The following LAMC3 variants were observed in gnomAD, a reference collection of about 807,000 sequenced individuals.
LAMC3 encodes laminin subunit gamma 3.
LAMC3 carries 128 observed loss-of-function variants against 173.8 expected under a neutral mutation model. The ratio of observed to expected loss-of-function variants is 0.74; its 90% CI spans 0.64 to 0.85. LAMC3 has a LOEUF of 0.85. Ranked by LOEUF, LAMC3 falls within the 40% of genes least tolerant of loss-of-function variation. The pLI is 0.00. For missense variants in LAMC3, 2,022 were observed against 2,156.0 expected (o/e 0.94, Z 1.23); for synonymous variants, 897 against 909.1 (o/e 0.99, Z 0.24).
At chr9:131,034,297 G>T (rs914881639) in intron 3 of LAMC3, among the ~76,000 whole-genome samples, 12 of 152,204 alleles carry the variant, frequency 7.9e-5, no homozygotes, top group Admixed American at 7.8e-4. Flanking sequence ...TGACTTCCCT[G>T]GTGACCACTG....
At chr9:131,047,165 C>CTTT (rs398012456) in intron 8 of LAMC3, among the ~76,000 whole-genome samples, 6,208 of 102,108 alleles carry the variant, frequency 0.061, 720 homozygotes, top group South Asian at 0.13. Flanking sequence ...CTGAATTCCT[C>CTTT]TTTTTTTTTT....
At chr9:131,067,947 G>A (rs188176632) in intron 14 of LAMC3, 131 bp from the exon 15 acceptor site, 42 of 994,080 alleles carry the variant, frequency 4.2e-5, no homozygotes, top group South Asian at 6.7e-5. Context: ...CAGCAGTGGC[G>A]TCTGAATCTG....
chr9:131,013,550 T>G (rs1833462980), intron 1 of LAMC3, among the ~76,000 whole-genome samples: 1 of 152,178 alleles, frequency 6.6e-6, no homozygotes, highest in African/African-American at 2.4e-5. Flanking sequence ...CAGGGCCATG[T>G]GCGGCCCCTG....
intron 11 of LAMC3, among the ~76,000 whole-genome samples, chr9:131,055,480 A>C: frequency 7.6e-6 from 1 of 130,748 alleles, no homozygotes; most frequent in Admixed American, 9.0e-5. Flanking sequence ...GCTGGAGTGC[A>C]GTGGCATGAT....
At chr9:131,023,586 G>A (rs1399156343) in intron 1 of LAMC3, among the ~76,000 whole-genome samples, 1 of 152,178 alleles carries the variant, frequency 6.6e-6, no homozygotes, top group Non-Finnish European at 1.5e-5. Context: ...TTGCAGAAAT[G>A]TCTATTCAAA....
rs754159381 is a variant in LAMC3 at position 131,036,299 on chromosome 9, C to T, written c.943C>T (p.Arg315Trp). The T allele has an allele frequency of 8.7e-6, 14 of 1,612,954 alleles. No individual in the cohort carries two copies. Among genetic ancestry groups the T allele is most frequent in the South Asian group, 3.3e-5 (3 of 91,060 alleles). ...CTTCTTCCAGGACCGCCCGTGGGCC[C>T]GGGGCACCGCCGAGGCTGCCCACGA... ...LPFFQDRPWA[R>W]GTAEAAHECL... The change falls in exon 4 of 28, where the codon CGG becomes TGG. Residue 315 changes from arginine (R) to tryptophan (W), a missense_variant. Coordinates refer to ENST00000361069, the MANE Select transcript of LAMC3 (RefSeq NM_006059.4).
At chr9:131,088,619 A>G (rs1474288221) in intron 27 of LAMC3, among the ~76,000 whole-genome samples, 1 of 152,200 alleles carries the variant, frequency 6.6e-6, no homozygotes, top group African/African-American at 2.4e-5. Flanking sequence ...TTTGAAGTGT[A>G]CAGTTCAGCA....
chr9:131,039,378 A>T, intron 6 of LAMC3, 130 bp downstream of exon 6: 1 of 780,142 alleles, frequency 1.3e-6, no homozygotes. Context: ...AATCCTGGTG[A>T]AGACTAGAGA....
intron 5 of LAMC3, 35 bp downstream of exon 5, chr9:131,039,087 C>G: frequency 3.1e-6 from 5 of 1,612,408 alleles, no homozygotes; most frequent in Non-Finnish European, 4.2e-6. Flanking sequence ...CTCCGACCCT[C>G]TCCCTTTCCT....
At position 131,091,928 on chromosome 9, in the gene LAMC3, C is replaced by T. The variant is rs1830435423; in HGVS notation, c.*141C>T. 1 of 990,880 alleles carries T rather than the reference C, an allele frequency of 1.0e-6. No individual in the cohort carries two copies. The highest frequency in any genetic ancestry group is 1.5e-6 in the Non-Finnish European group (1 of 671,668). The allele number at this position is 990,880 out of a possible 1,614,324, so 61.4% of individuals were successfully genotyped here. On this transcript the variant is annotated 3_prime_UTR_variant, in exon 28 of 28. Coordinates refer to ENST00000361069, the MANE Select transcript of LAMC3 (RefSeq NM_006059.4). Reference sequence around the variant, plus strand: ...ACTCGCCCCCGTGTGGATAGTCACTCCCTGCCGATTCTGTCTGTGGCTTCT... The same window carrying T: ...ACTCGCCCCCGTGTGGATAGTCACTTCCTGCCGATTCTGTCTGTGGCTTCT...
Position 131,075,890 on chromosome 9 carries a change from A to C in LAMC3, c.3554A>C (p.Asn1185Thr), listed in dbSNP as rs1339759079. Residue 1185 changes from asparagine (N) to threonine (T), a missense_variant, in exon 21 of 28, where the codon AAC becomes ACC. Transcript: ENST00000361069. ...ATAWRALLAS[N>T]TSYALLWNLL... ...GCTTGGAGGGCCCTGCTCGCCTCCA[A>C]CACCAGCTACGCGCTTCTCTGGAAT... 1 of 1,612,524 alleles carries C rather than the reference A, an allele frequency of 6.2e-7. No homozygotes were observed. Among genetic ancestry groups the C allele is most frequent in the African/African-American group, 1.3e-5 (1 of 74,876 alleles).
At chr9:131,028,183 G>A (rs1458143453) in intron 2 of LAMC3, among the ~76,000 whole-genome samples, 2 of 152,218 alleles carry the variant, frequency 1.3e-5, no homozygotes, top group South Asian at 2.1e-4. Flanking sequence ...GAGCAACTGG[G>A]TTGCGTGTCC....
At position 131,068,067 on chromosome 9, in the gene LAMC3, C is replaced by T; in HGVS notation, c.2594-11C>T. On this transcript the variant is annotated splice_polypyrimidine_tract_variant and intron_variant, in intron 14 of 27. Coordinates refer to ENST00000361069, the MANE Select transcript of LAMC3 (RefSeq NM_006059.4). ...ATTGTTCCCAACACCCCTTCCTGCT[C>T]CTGCCCCCAGCTTGCAGCTGTCACC... The T allele has an allele frequency of 1.2e-6, 2 of 1,608,854 alleles. No individual in the cohort carries two copies. Among genetic ancestry groups the T allele is most frequent in the South Asian group, 1.1e-5 (1 of 91,084 alleles).
At chr9:131,063,604 C>G (rs13294685) in intron 13 of LAMC3, among the ~76,000 whole-genome samples, 1 of 152,170 alleles carries the variant, frequency 6.6e-6, no homozygotes, top group East Asian at 1.9e-4. Context: ...GGGTCAAGTC[C>G]TGATGCTCAC....
At chr9:131,077,971 C>G (rs1830165100) in intron 22 of LAMC3, among the ~76,000 whole-genome samples, 1 of 152,040 alleles carries the variant, frequency 6.6e-6, no homozygotes, top group Non-Finnish European at 1.5e-5. Flanking sequence ...GTGACCTCGG[C>G]CAAGGACTTT....
intron 8 of LAMC3, among the ~76,000 whole-genome samples, chr9:131,046,987 G>A (rs1033943877): frequency 2.0e-4 from 31 of 152,098 alleles, no homozygotes; most frequent in African/African-American, 7.0e-4. Flanking sequence ...GGGTCCGGGG[G>A]TCTAGGGTGT....
In LAMC3 at chr9:131,061,224, G is replaced by T. The variant is rs1407186338; in HGVS notation, c.2347+1G>T. ...ACCCACTGCCCCCCGGGCCAGAGAG[G>T]TAAGTGACTCCTGCCCCGGAGCCCT... On this transcript the variant is annotated splice_donor_variant, in intron 13 of 27. Transcript: ENST00000361069. LOFTEE classifies it high-confidence loss of function. The T allele has an allele frequency of 6.2e-7, 1 of 1,604,956 alleles. No homozygotes were observed. Among genetic ancestry groups the T allele is most frequent in the Non-Finnish European group, 8.5e-7 (1 of 1,178,956 alleles).
intron 23 of LAMC3, among the ~76,000 whole-genome samples, chr9:131,081,376 A>G (rs1440028845): frequency 6.6e-6 from 1 of 152,162 alleles, no homozygotes; most frequent in Non-Finnish European, 1.5e-5. Flanking sequence ...TCCATAAGTC[A>G]AGGTGGTGTC....
intron 15 of LAMC3, 69 bp downstream of exon 15, chr9:131,068,300 C>CA: frequency 1.3e-6 from 2 of 1,514,460 alleles, no homozygotes; most frequent in Non-Finnish European, 1.8e-6. Flanking sequence ...GGGCAGCCCC[C>CA]AGGGAGGGGC....
Sources: gnomAD v4.1 joint callset for allele counts (sites outside exome capture counted in the v4.1 genomes callset) on GRCh38, gnomAD v4.1.1 for gene constraint, MANE v1.5 for transcripts, NCBI Gene and HGNC (gene_info 2026-07-23, HGNC 2026-07-21) for gene names.